NTM: variants seen among roughly 807,000 people sequenced by gnomAD.
NTM encodes the protein IgLON family member 2.
In NTM, 13 loss-of-function variants were observed where a neutral mutation model predicts 42.1. The observed-to-expected ratio is 0.31, with a 90% CI of 0.20 to 0.49. The LOEUF (loss-of-function observed/expected upper bound fraction) is 0.49. NTM is among the 20% of genes least tolerant of loss of function. The pLI is 0.99. For missense variants in NTM, 373 were observed against 452.8 expected (o/e 0.82, Z 1.60); for synonymous variants, 187 against 179.2 (o/e 1.04, Z -0.35).
At chr11:131,416,659 G>T (rs1946989778) in intron 1 of NTM, among the ~76,000 whole-genome samples, 1 of 152,164 alleles carries the variant, frequency 6.6e-6, no homozygotes. Context: ...GGAACATCTT[G>T]GGTGAGGCAA....
At chr11:131,846,221 A>G (rs993188460) in intron 1 of NTM, among the ~76,000 whole-genome samples, 2 of 152,072 alleles carry the variant, frequency 1.3e-5, no homozygotes, top group African/African-American at 4.8e-5. Flanking sequence ...TTGTATCCCT[A>G]TTATTGCTTG....
At chr11:132,057,759 G>A (rs749059417) in intron 2 of NTM, among the ~76,000 whole-genome samples, 1 of 152,178 alleles carries the variant, frequency 6.6e-6, no homozygotes. Context: ...TAGACTCCGC[G>A]TGTTTTTTTC....
chr11:132,150,068 C>T (rs1184576708), intron 3 of NTM, among the ~76,000 whole-genome samples: 1 of 152,134 alleles, frequency 6.6e-6, no homozygotes, highest in Non-Finnish European at 1.5e-5. Context: ...TGTACAAGCA[C>T]AGCACCAACA....
chr11:132,070,273 T>C (rs1463592272), intron 2 of NTM, among the ~76,000 whole-genome samples: 1 of 141,402 alleles, frequency 7.1e-6, no homozygotes, highest in Non-Finnish European at 1.5e-5. Context: ...CATCACAGGT[T>C]AGTTAACGTG....
chr11:131,752,790 A>G (rs987665200), intron 1 of NTM, among the ~76,000 whole-genome samples: 2 of 105,754 alleles, frequency 1.9e-5, no homozygotes, highest in Admixed American at 1.0e-4. Flanking sequence ...CAAAAACCCT[A>G]GAAGAAAACC....
chr11:131,662,320 C>T (rs906103687), intron 1 of NTM: 1 of 152,196 alleles, frequency 6.6e-6, no homozygotes, highest in African/African-American at 2.4e-5. Flanking sequence ...TGCCATGTCC[C>T]CGTCCTGTGG....
intron 5 of NTM, 65 bp from the exon 6 acceptor site, chr11:132,310,047 A>G: frequency 6.8e-7 from 1 of 1,477,924 alleles, no homozygotes; most frequent in Non-Finnish European, 8.9e-7. Context: ...CAAGAGCAAG[A>G]CTCCATCTCA....
At chr11:132,110,837 C>G (rs1220916904) in intron 2 of NTM, among the ~76,000 whole-genome samples, 1 of 151,470 alleles carries the variant, frequency 6.6e-6, no homozygotes, top group African/African-American at 2.4e-5. Flanking sequence ...ATGTTCGAGA[C>G]CAGCCTGGGC....
At chr11:132,163,641 T>C (rs972530029) in intron 3 of NTM, among the ~76,000 whole-genome samples, 2 of 152,176 alleles carry the variant, frequency 1.3e-5, no homozygotes, top group African/African-American at 2.4e-5. Context: ...ACAGCCTCCC[T>C]CAAACACTAA....
intron 1 of NTM, among the ~76,000 whole-genome samples, chr11:131,894,558 G>C (rs576395440): frequency 1.3e-5 from 2 of 152,294 alleles, no homozygotes; most frequent in Admixed American, 1.3e-4. Flanking sequence ...AAATCAGTCA[G>C]ATGTGCCGTG....
At chr11:131,564,441 A>AG (rs59660016) in intron 1 of NTM, among the ~76,000 whole-genome samples, 11,280 of 144,100 alleles carry the variant, frequency 0.078, 697 homozygotes, top group African/African-American at 0.2. Flanking sequence ...TAGGGTGGGT[A>AG]GGGGGAGAGA....
chr11:131,736,075 C>G (rs944099630), intron 1 of NTM, among the ~76,000 whole-genome samples: 9 of 152,170 alleles, frequency 5.9e-5, no homozygotes, highest in African/African-American at 2.2e-4. Context: ...TCAAGTGATC[C>G]TCCCGTCTCA....
chr11:131,867,083 C>A (rs2047296782), intron 1 of NTM, among the ~76,000 whole-genome samples: 1 of 152,176 alleles, frequency 6.6e-6, no homozygotes, highest in African/African-American at 2.4e-5. Flanking sequence ...GATCAATTAG[C>A]AGCCCAAAAG....
Position 131,555,520 on chromosome 11 carries a change from G to A in NTM, c.82+184632G>A, listed in dbSNP as rs143672895. Among the ~76,000 whole-genome samples, 800 of 152,278 alleles carry A rather than the reference G, an allele frequency of 5.3e-3. 6 individuals carry two copies. The highest frequency in any genetic ancestry group is 0.027 in the South Asian group (128 of 4,816). The stretch of plus-strand genomic sequence containing the variant: ...GAGCATCAACTAATGGTCCTGAATT[G>A]CCTACACATTCCCAAAGTCTGCAGC... On this transcript the variant is annotated intron_variant, in intron 1 of 8. Coordinates refer to ENST00000683400, the MANE Select transcript of NTM (RefSeq NM_001352005.2).
chr11:131,428,898 A>C (rs1434092607), intron 1 of NTM, among the ~76,000 whole-genome samples: 3 of 150,940 alleles, frequency 2.0e-5, no homozygotes, highest in African/African-American at 7.3e-5. Flanking sequence ...AAAAAAAAAA[A>C]AAAAAAATTA....
intron 2 of NTM, among the ~76,000 whole-genome samples, chr11:132,044,335 A>G (rs1196874488): frequency 1.3e-5 from 2 of 152,194 alleles, no homozygotes; most frequent in African/African-American, 2.4e-5. Context: ...TGCAAATATA[A>G]GGCATTTGTA....
chr11:131,392,832 T>TA (rs1433550961), intron 1 of NTM, among the ~76,000 whole-genome samples: 1 of 152,230 alleles, frequency 6.6e-6, no homozygotes, highest in Non-Finnish European at 1.5e-5. Flanking sequence ...AACCAAGGTC[T>TA]ATTATTTTTG....
chr11:131,912,697 G>A (rs995849611), intron 2 of NTM, among the ~76,000 whole-genome samples: 1 of 152,152 alleles, frequency 6.6e-6, no homozygotes. Flanking sequence ...CAAACTAAGC[G>A]ACAGAACTAA....
chr11:131,728,197 GAGAT>G (rs560369424), intron 1 of NTM, among the ~76,000 whole-genome samples: 41 of 152,292 alleles, frequency 2.7e-4, no homozygotes, highest in African/African-American at 9.9e-4. Context: ...CATCTACCTG[GAGAT>G]AGAGTCAGAT....
Sources: gnomAD v4.1 joint callset for allele counts (sites outside exome capture counted in the v4.1 genomes callset) on GRCh38, gnomAD v4.1.1 for gene constraint, MANE v1.5 for transcripts, NCBI Gene and HGNC (gene_info 2026-07-23, HGNC 2026-07-21) for gene names.